Variants in CD109 observed in about 807,000 individuals in gnomAD.
CD109 encodes the protein CD109 molecule.
In CD109, 149 loss-of-function variants were observed where a neutral mutation model predicts 165.8. The observed-to-expected ratio is 0.90, with a 90% CI of 0.79 to 1.03. CD109 has a LOEUF of 1.03. Among genes scored for constraint, CD109 ranks in the 50% least tolerant of loss-of-function variants. CD109 has a pLI of 0.00. For missense variants in CD109, 1,712 were observed against 1,677.8 expected (o/e 1.02, Z -0.36); for synonymous variants, 585 against 592.1 (o/e 0.99, Z 0.18).
intron 2 of CD109, among the ~76,000 whole-genome samples, chr6:73,703,979 G>T (rs547548056): frequency 2.4e-4 from 37 of 152,156 alleles, no homozygotes; most frequent in Admixed American, 1.8e-3. Context: ...GAGGCCAGAA[G>T]TTCGAGACCA....
rs1250842099 is a variant in CD109 at position 73,816,480 on chromosome 6, C to A, written c.3911+1357C>A. Reference sequence around the variant, plus strand: ...ATCCCTGCTTTTCTCAAATTCCTGGCCTCAAGTGATCCTCCTGCGTTGGCC... The same window carrying A: ...ATCCCTGCTTTTCTCAAATTCCTGGACTCAAGTGATCCTCCTGCGTTGGCC... On this transcript the variant is annotated intron_variant, in intron 30 of 32. Transcript: ENST00000287097. Among the ~76,000 whole-genome samples, 3 of 152,266 alleles carry A rather than the reference C, an allele frequency of 2.0e-5. No homozygotes were observed. In the East Asian group the frequency reaches 5.8e-4, roughly 29 times the overall value.
At chr6:73,755,415 T>C (rs1339176273) in intron 5 of CD109, among the ~76,000 whole-genome samples, 1 of 152,248 alleles carries the variant, frequency 6.6e-6, no homozygotes, top group African/African-American at 2.4e-5. Flanking sequence ...TTAGTGGTTC[T>C]ATTTGTTTTA....
chr6:73,739,340 C>T (rs1043188891), intron 5 of CD109, among the ~76,000 whole-genome samples: 2 of 152,142 alleles, frequency 1.3e-5, no homozygotes, highest in Admixed American at 6.6e-5. Context: ...CAACTGTGGC[C>T]TTGGTCTCTG....
chr6:73,808,213 C>T lies in CD109; in HGVS notation c.3320C>T (p.Ala1107Val), dbSNP rs1370126590. ...GTGGGGAGTCCTAAAGCGAAGGAAG[C>T]TTTGAATATGCTGACTTGGAGAGCA... ...SSVGSPKAKE[A>V]LNMLTWRAEQ... Residue 1107 changes from alanine (A) to valine (V), a missense_variant, in exon 26 of 33, where the codon GCT becomes GTT. Physicochemically the swap from Ala to Val is moderately conservative, Grantham distance 64. Transcript: ENST00000287097. The T allele has an allele frequency of 6.2e-7, 1 of 1,613,408 alleles. No homozygotes were observed.
intron 2 of CD109, among the ~76,000 whole-genome samples, chr6:73,710,591 G>T (rs1771491960): frequency 6.6e-6 from 1 of 151,974 alleles, no homozygotes; most frequent in African/African-American, 2.4e-5. Flanking sequence ...AGAAGACACC[G>T]AGGGAATGTT....
chr6:73,732,370 A>G (rs1772397157), intron 4 of CD109, among the ~76,000 whole-genome samples: 1 of 152,238 alleles, frequency 6.6e-6, no homozygotes, highest in African/African-American at 2.4e-5. Flanking sequence ...ATTTGTTGCC[A>G]TGGTGTTCAA....
At chr6:73,785,846 G>GTT (rs10583850) in intron 20 of CD109, among the ~76,000 whole-genome samples, 10 of 133,956 alleles carry the variant, frequency 7.5e-5, no homozygotes, top group South Asian at 2.5e-4. Context: ...CTGCAGTTTT[G>GTT]TTTTTTTTTT....
At chr6:73,747,899 A>C in intron 5 of CD109, among the ~76,000 whole-genome samples, 1 of 145,010 alleles carries the variant, frequency 6.9e-6, no homozygotes, top group Admixed American at 6.9e-5. Flanking sequence ...TTTTTTTCCT[A>C]CCCTGAGACA....
chr6:73,692,319 G>T (rs1329275717), upstream of CD109, among the ~76,000 whole-genome samples: 8 of 152,018 alleles, frequency 5.3e-5, no homozygotes, highest in Non-Finnish European at 1.2e-4. Context: ...GATATTTTTG[G>T]TATCAAAATT....
intron 23 of CD109, among the ~76,000 whole-genome samples, chr6:73,796,547 T>C (rs897987907): frequency 1.3e-5 from 2 of 152,216 alleles, no homozygotes; most frequent in African/African-American, 4.8e-5. Context: ...CTGTCCATCA[T>C]CTGTCCTGGC....
At chr6:73,696,566 T>C (rs1008796383) in intron 1 of CD109, among the ~76,000 whole-genome samples, 3 of 152,246 alleles carry the variant, frequency 2.0e-5, no homozygotes, top group Non-Finnish European at 4.4e-5. Context: ...TTATTTTTAG[T>C]CCACATTGCC....
chr6:73,690,380 A>G, the CD109 span, among the ~76,000 whole-genome samples: 1 of 152,172 alleles, frequency 6.6e-6, no homozygotes, highest in East Asian at 1.9e-4. Flanking sequence ...TGTTTGTTTT[A>G]TTATGCAGGT....
intron 8 of CD109, 90 bp from the exon 9 acceptor site, chr6:73,762,651 C>T (rs1284668181): frequency 5.6e-6 from 6 of 1,068,188 alleles, no homozygotes; most frequent in African/African-American, 3.2e-5. Context: ...GGTACCAGAG[C>T]TATCATATTG....
chr6:73,696,397 G>A, intron 1 of CD109, 108 bp downstream of exon 1: 1 of 930,978 alleles, frequency 1.1e-6, no homozygotes, highest in Non-Finnish European at 1.5e-6. Context: ...GCAGCGGGTG[G>A]GAAATGCCCT....
chr6:73,728,019 G>T (rs142678472), intron 3 of CD109, among the ~76,000 whole-genome samples: 44 of 152,100 alleles, frequency 2.9e-4, no homozygotes, highest in African/African-American at 1.0e-3. Context: ...CACAAAGGGT[G>T]CTCAATAAAT....
intron 5 of CD109, among the ~76,000 whole-genome samples, chr6:73,752,995 A>C (rs1773249551): frequency 6.6e-6 from 1 of 152,190 alleles, no homozygotes; most frequent in South Asian, 2.1e-4. Flanking sequence ...AGTTTAGTTC[A>C]CCTAGAACGA....
the CD109 span, among the ~76,000 whole-genome samples, chr6:73,679,965 A>G: frequency 3.3e-5 from 5 of 152,248 alleles, no homozygotes; most frequent in Admixed American, 1.3e-4. Flanking sequence ...TTTTTGGTGA[A>G]CCATGTTTTA....
Position 73,766,140 on chromosome 6 carries a change from G to T in CD109, c.1318G>T (p.Glu440Ter). The change falls in exon 11 of 33, where the codon GAG (glutamate) becomes TAG (stop). Residue 440 changes from glutamate (E) to a stop codon, truncating the protein, a stop_gained. Transcript: ENST00000287097. LOFTEE classifies it high-confidence loss of function. ...ATTCCCAATCCTGGAGGATTCCAGT[G>T]AGCTACAGTTGAAGGTGCCGTCTGT... ...IEFPILEDSS[E>*]LQLKAYFLGS... 6.2e-7 allele frequency: 1 copy of T among 1,613,642 alleles called. No individual in the cohort carries two copies. Among genetic ancestry groups the T allele is most frequent in the South Asian group, 1.1e-5 (1 of 91,052 alleles).
chr6:73,727,755 C>T (rs1405398124), intron 3 of CD109, among the ~76,000 whole-genome samples: 1 of 152,136 alleles, frequency 6.6e-6, no homozygotes, highest in African/African-American at 2.4e-5. Flanking sequence ...TCAGGAAGAG[C>T]AATCCCATCA....
Sources: gnomAD v4.1 joint callset for allele counts (sites outside exome capture counted in the v4.1 genomes callset) on GRCh38, gnomAD v4.1.1 for gene constraint, MANE v1.5 for transcripts, NCBI Gene and HGNC (gene_info 2026-07-23, HGNC 2026-07-21) for gene names.